ALOX5: variants seen among roughly 807,000 people sequenced by gnomAD.
ALOX5 encodes polyunsaturated fatty acid 5-lipoxygenase.
A neutral mutation model predicts 87.9 loss-of-function variants in ALOX5; 64 were observed. The ratio of observed to expected loss-of-function variants is 0.73; its 90% confidence interval spans 0.60 to 0.90. The LOEUF (loss-of-function observed/expected upper bound fraction) is 0.90, where lower values mean the gene tolerates loss of function less well. Among genes scored for constraint, ALOX5 ranks in the 40% least tolerant of loss-of-function variants. The pLI, the probability that ALOX5 is intolerant of heterozygous loss-of-function variation, is 0.00. For missense variants in ALOX5, 822 were observed against 907.5 expected, an observed-to-expected ratio of 0.91 and a Z score of 1.21; for synonymous variants, 388 against 355.1, an observed-to-expected ratio of 1.09 and a Z score of -1.04.
intron 4 of ALOX5, 40 bp from the exon 5 acceptor site, chr10:45,424,001 T>C: frequency 6.6e-7 from 1 of 1,507,244 alleles, no homozygotes; most frequent in Non-Finnish European, 9.2e-7. Flanking sequence ...GAGGGAGGCA[T>C]GGCTAGTGTG....
intron 8 of ALOX5, 70 bp from the exon 9 acceptor site, chr10:45,441,274 C>A: frequency 7.2e-7 from 1 of 1,394,120 alleles, no homozygotes; most frequent in Non-Finnish European, 1.0e-6. Context: ...GGTGGGGGAG[C>A]TGCGGGTCCC....
chr10:45,401,076 T>C (rs1840683715), intron 3 of ALOX5, among the ~76,000 whole-genome samples: 1 of 152,212 alleles, frequency 6.6e-6, no homozygotes, highest in South Asian at 2.1e-4. Flanking sequence ...TATTGACTTA[T>C]GAGTAAACAG....
Position 45,395,940 on chromosome 10 carries a change from A to G in ALOX5, c.431+4A>G, listed in dbSNP as rs772336308. On this transcript the variant is annotated splice_donor_region_variant and intron_variant, in intron 3 of 13. Coordinates refer to ENST00000374391, the MANE Select transcript of ALOX5 (RefSeq NM_000698.5). The stretch of plus-strand genomic sequence containing the variant: ...AAACACGGCAAAAACAATATCGGTG[A>G]GTTATGACATCAGATCGAGTGGCCA... The G allele has an allele frequency of 6.2e-7, 1 of 1,614,100 alleles. No homozygotes were observed. Among genetic ancestry groups the G allele is most frequent in the South Asian group, 1.1e-5 (1 of 91,092 alleles).
At chr10:45,417,968 A>G (rs927421082) in intron 4 of ALOX5, among the ~76,000 whole-genome samples, 1 of 152,064 alleles carries the variant, frequency 6.6e-6, no homozygotes, top group Non-Finnish European at 1.5e-5. Context: ...CCTTGGCCCC[A>G]GAAGTGCTGC....
intron 6 of ALOX5, among the ~76,000 whole-genome samples, chr10:45,428,142 C>T (rs1841794484): frequency 6.6e-6 from 1 of 150,860 alleles, no homozygotes; most frequent in South Asian, 2.1e-4. Flanking sequence ...CGCAGCCCCC[C>T]TACCCCACCC....
chr10:45,394,718 C>T (rs1022741421), intron 2 of ALOX5, among the ~76,000 whole-genome samples: 6 of 151,988 alleles, frequency 3.9e-5, no homozygotes, highest in African/African-American at 1.2e-4. Flanking sequence ...TGACAAAGGG[C>T]TAATATCCAG....
chr10:45,396,143 T>C (rs1395603216), intron 3 of ALOX5, among the ~76,000 whole-genome samples: 1 of 152,132 alleles, frequency 6.6e-6, no homozygotes, highest in African/African-American at 2.4e-5. Context: ...GTAATGAAAA[T>C]AACTTTGGAT....
At chr10:45,377,749 G>A (rs1004923402) in intron 1 of ALOX5, among the ~76,000 whole-genome samples, 2 of 152,094 alleles carry the variant, frequency 1.3e-5, no homozygotes, top group South Asian at 2.1e-4. Flanking sequence ...CCTTGCTTCC[G>A]CAGAGAGATC....
intron 6 of ALOX5, among the ~76,000 whole-genome samples, chr10:45,427,781 ACCCACTGCGCGGCT>A (rs1399684117): frequency 6.6e-6 from 1 of 152,004 alleles, no homozygotes; most frequent in Admixed American, 6.5e-5. Context: ...CCTCTGCGGG[ACCCACTGCGCGGCT>A]CGCAGCGGCC....
At chr10:45,419,219 C>A (rs1841412147) in intron 4 of ALOX5, among the ~76,000 whole-genome samples, 1 of 152,206 alleles carries the variant, frequency 6.6e-6, no homozygotes, top group Non-Finnish European at 1.5e-5. Flanking sequence ...CAGGTGAAGG[C>A]GCAGAGGCAG....
intron 1 of ALOX5, among the ~76,000 whole-genome samples, chr10:45,377,341 C>G (rs1839651854): frequency 6.6e-6 from 1 of 150,576 alleles, no homozygotes. Context: ...ACATTCTGCC[C>G]CCTCTTCTGC....
intron 7 of ALOX5, among the ~76,000 whole-genome samples, chr10:45,439,783 AG>A (rs1174484264): frequency 2.6e-5 from 4 of 152,202 alleles, no homozygotes; most frequent in Admixed American, 2.6e-4. Context: ...ACCTTGTCCC[AG>A]TGTGGAGTGG....
At chr10:45,376,314 G>T (rs1839609469) in intron 1 of ALOX5, among the ~76,000 whole-genome samples, 1 of 109,020 alleles carries the variant, frequency 9.2e-6, no homozygotes, top group Non-Finnish European at 1.7e-5. Context: ...GGTTGAGAGG[G>T]CTATAAGTCA....
intron 2 of ALOX5, among the ~76,000 whole-genome samples, chr10:45,390,414 A>G (rs974029432): frequency 6.6e-6 from 1 of 152,230 alleles, no homozygotes; most frequent in Non-Finnish European, 1.5e-5. Flanking sequence ...CATCACACCT[A>G]TTCTGAAATT....
chr10:45,397,426 A>C (rs1410425051), intron 3 of ALOX5, among the ~76,000 whole-genome samples: 1 of 152,202 alleles, frequency 6.6e-6, no homozygotes, highest in African/African-American at 2.4e-5. Flanking sequence ...ATACTTAATG[A>C]TGAAAGGCTG....
intron 4 of ALOX5, among the ~76,000 whole-genome samples, chr10:45,413,255 G>T (rs1841140808): frequency 6.6e-6 from 1 of 152,082 alleles, no homozygotes; most frequent in African/African-American, 2.4e-5. Flanking sequence ...TGATCAAGTG[G>T]GCTTCATCCC....
At chr10:45,430,483 A>G (rs1841871201) in intron 7 of ALOX5, among the ~76,000 whole-genome samples, 1 of 152,158 alleles carries the variant, frequency 6.6e-6, no homozygotes, top group Non-Finnish European at 1.5e-5. Flanking sequence ...GAGTAATTAT[A>G]GCCAGGCACC....
intron 4 of ALOX5, among the ~76,000 whole-genome samples, chr10:45,423,734 C>A (rs535601158): frequency 6.6e-6 from 1 of 152,190 alleles, no homozygotes; most frequent in African/African-American, 2.4e-5. Flanking sequence ...CAGGGACTGG[C>A]CCACCGAGTG....
intron 2 of ALOX5, among the ~76,000 whole-genome samples, chr10:45,390,954 TAAA>T (rs1364095711): frequency 2.7e-5 from 4 of 149,140 alleles, no homozygotes; most frequent in Admixed American, 1.3e-4. Flanking sequence ...GCAAGACTAA[TAAA>T]GAAGAAAAGA....
Sources: allele counts gnomAD v4.1 joint callset (sites outside exome capture counted in the v4.1 genomes callset), GRCh38; gene constraint gnomAD v4.1.1; transcripts MANE v1.5; gene names NCBI Gene and HGNC (gene_info 2026-07-23, HGNC 2026-07-21).